The following MAGI2 variants were observed in gnomAD, a reference collection of about 807,000 sequenced individuals.
MAGI2 encodes membrane-associated guanylate kinase, WW and PDZ domain-containing protein 2.
MAGI2 carries 35 observed loss-of-function variants against 133.3 expected under a neutral mutation model. The observed-to-expected ratio is 0.26, with a 90% CI of 0.20 to 0.35. The LOEUF is 0.35. Ranked by LOEUF, MAGI2 falls within the 10% of genes least tolerant of loss-of-function variation. The pLI, the probability that MAGI2 is intolerant of heterozygous loss-of-function variation, is 1.00. For synonymous variants in MAGI2, 729 were observed against 710.6 expected, an observed-to-expected ratio of 1.03 and a Z score of -0.41; for missense variants, 1,636 against 1,863.4, an observed-to-expected ratio of 0.88 and a Z score of 2.25.
intron 6 of MAGI2, among the ~76,000 whole-genome samples, chr7:78,435,643 T>C (rs1800215246): frequency 6.6e-6 from 1 of 152,122 alleles, no homozygotes; most frequent in Non-Finnish European, 1.5e-5. Flanking sequence ...AATACCACCT[T>C]GTTCTAAAGT....
At chr7:79,010,193 G>C (rs955747409) in intron 1 of MAGI2, among the ~76,000 whole-genome samples, 3 of 151,918 alleles carry the variant, frequency 2.0e-5, no homozygotes, top group Admixed American at 1.3e-4. Context: ...TGTACAGTAT[G>C]TGTGTATATA....
intron 1 of MAGI2, among the ~76,000 whole-genome samples, chr7:79,384,352 T>C (rs1317344695): frequency 6.8e-6 from 1 of 146,854 alleles, no homozygotes; most frequent in East Asian, 2.0e-4. Context: ...CTGGAATGCT[T>C]CTTGAAAGCA....
chr7:79,222,847 T>C (rs1248254109), intron 1 of MAGI2, among the ~76,000 whole-genome samples: 2 of 152,072 alleles, frequency 1.3e-5, no homozygotes, highest in Non-Finnish European at 1.5e-5. Flanking sequence ...TTGTTTCATA[T>C]ACATTATCTC....
intron 21 of MAGI2, among the ~76,000 whole-genome samples, chr7:78,043,560 G>A (rs373950736): frequency 6.6e-5 from 10 of 152,272 alleles, no homozygotes; most frequent in African/African-American, 2.4e-4. Flanking sequence ...AGCTGGATTT[G>A]GGATTCAGAG....
intron 1 of MAGI2, among the ~76,000 whole-genome samples, chr7:79,049,228 G>T (rs960798712): frequency 1.3e-5 from 2 of 152,098 alleles, no homozygotes; most frequent in African/African-American, 2.4e-5. Flanking sequence ...AGTTCAAATT[G>T]TGTATTGTGT....
chr7:78,170,409 T>C (rs1826001918), intron 14 of MAGI2: 1 of 152,224 alleles, frequency 6.6e-6, no homozygotes, highest in African/African-American at 2.4e-5. Flanking sequence ...GTAAAAGATC[T>C]GCTTTTCTAC....
At position 78,461,795 on chromosome 7, in the gene MAGI2, C is replaced by T. The variant is rs112163885; in HGVS notation, c.1045+27966G>A. The stretch of plus-strand genomic sequence containing the variant: ...GCGTGGTGGTGCATGCCTGTAATCC[C>T]AGCTACTCAGGAGGCTGAGGCAGGA... On this transcript the variant is annotated intron_variant, in intron 6 of 21. Coordinates refer to ENST00000354212, the MANE Select transcript of MAGI2 (RefSeq NM_012301.4). Among the ~76,000 whole-genome samples the T allele has an allele frequency of 1.4e-3, 212 of 151,276 alleles. 2 individuals carry two copies. The highest frequency in any genetic ancestry group is 1.2e-3 in the Non-Finnish European group (80 of 67,810).
chr7:78,320,990 G>A (rs928361037), intron 9 of MAGI2, among the ~76,000 whole-genome samples: 6 of 152,122 alleles, frequency 3.9e-5, no homozygotes, highest in Non-Finnish European at 8.8e-5. Flanking sequence ...CAAACAGACA[G>A]CCAAATCATG....
chr7:78,981,710 C>T (rs565996937), intron 2 of MAGI2, among the ~76,000 whole-genome samples: 2 of 151,958 alleles, frequency 1.3e-5, no homozygotes, highest in African/African-American at 4.8e-5. Context: ...GAGCCCATGG[C>T]ACCCTGGATC....
chr7:79,429,169 G>T (rs1180683119), intron 1 of MAGI2, among the ~76,000 whole-genome samples: 1 of 151,934 alleles, frequency 6.6e-6, no homozygotes, highest in Non-Finnish European at 1.5e-5. Context: ...ATATTCAACA[G>T]AACAGCTTTT....
chr7:78,214,193 G>A (rs1299352175), intron 10 of MAGI2, among the ~76,000 whole-genome samples: 1 of 152,214 alleles, frequency 6.6e-6, no homozygotes, highest in African/African-American at 2.4e-5. Flanking sequence ...ATTACTTTGT[G>A]TGGTCTTTGC....
chr7:79,020,354 T>A (rs891338149), intron 1 of MAGI2, among the ~76,000 whole-genome samples: 5 of 152,150 alleles, frequency 3.3e-5, no homozygotes, highest in Non-Finnish European at 7.3e-5. Context: ...AAATGGAAGT[T>A]ATGTTTAAAA....
intron 9 of MAGI2, among the ~76,000 whole-genome samples, chr7:78,292,316 G>A (rs1214172336): frequency 6.6e-6 from 1 of 152,146 alleles, no homozygotes; most frequent in Non-Finnish European, 1.5e-5. Flanking sequence ...CAAATCATGA[G>A]TGAACTCCCA....
At chr7:78,573,887 A>C (rs1186490760) in intron 3 of MAGI2, among the ~76,000 whole-genome samples, 1 of 152,040 alleles carries the variant, frequency 6.6e-6, no homozygotes, top group African/African-American at 2.4e-5. Context: ...CAGTCTGGCT[A>C]GAGGCATCCT....
intron 13 of MAGI2, among the ~76,000 whole-genome samples, chr7:78,179,763 TA>T (rs1274573428): frequency 6.6e-6 from 1 of 152,184 alleles, no homozygotes; most frequent in African/African-American, 2.4e-5. Context: ...TGGGAGAACT[TA>T]AAAAATTCCA....
chr7:79,211,474 T>A (rs1393846755), intron 1 of MAGI2, among the ~76,000 whole-genome samples: 3 of 151,390 alleles, frequency 2.0e-5, no homozygotes, highest in African/African-American at 7.3e-5. Context: ...TTGTTTTTTT[T>A]TTTGAGGCAG....
intron 6 of MAGI2, among the ~76,000 whole-genome samples, chr7:78,414,262 C>A (rs1028371009): frequency 5.9e-5 from 9 of 151,530 alleles, no homozygotes; most frequent in Non-Finnish European, 1.3e-4. Context: ...TATTTAGTGG[C>A]ATGGGGAAAA....
intron 10 of MAGI2, among the ~76,000 whole-genome samples, chr7:78,229,879 G>A (rs969063327): frequency 1.3e-5 from 2 of 152,150 alleles, no homozygotes; most frequent in South Asian, 2.1e-4. Context: ...ACACAGATTC[G>A]GAGGATCCCC....
At chr7:78,494,574 C>G (rs1198949279) in intron 5 of MAGI2, among the ~76,000 whole-genome samples, 1 of 152,088 alleles carries the variant, frequency 6.6e-6, no homozygotes, top group Non-Finnish European at 1.5e-5. Context: ...CAAGGGTAAC[C>G]TAATTCAAAC....
Sources: gnomAD v4.1 joint callset for allele counts (sites outside exome capture counted in the v4.1 genomes callset) on GRCh38, gnomAD v4.1.1 for gene constraint, MANE v1.5 for transcripts, NCBI Gene and HGNC (gene_info 2026-07-23, HGNC 2026-07-21) for gene names.